The following RBMS3 variants were observed in gnomAD, a reference collection of about 807,000 sequenced individuals.
RBMS3 encodes the protein RNA-binding motif, single-stranded-interacting protein 3.
A neutral mutation model predicts 66.8 loss-of-function variants in RBMS3; 27 were observed. The observed-to-expected ratio is 0.40, with a 90% CI of 0.30 to 0.56. The LOEUF is 0.56. Among genes scored for constraint, RBMS3 ranks in the 20% least tolerant of loss-of-function variants. The pLI is 0.40. For missense variants in RBMS3, 513 were observed against 549.5 expected, an observed-to-expected ratio of 0.93 and a Z score of 0.66; for synonymous variants, 188 against 183.0, an observed-to-expected ratio of 1.03 and a Z score of -0.22.
intron 6 of RBMS3, among the ~76,000 whole-genome samples, chr3:29,846,228 A>T (rs1559732195): frequency 1.3e-5 from 2 of 152,184 alleles, no homozygotes; most frequent in Non-Finnish European, 1.5e-5. Context: ...CCATTGCAGA[A>T]TTCCAAAAAG....
chr3:29,567,086 T>A (rs551008721), intron 3 of RBMS3, among the ~76,000 whole-genome samples: 1 of 152,170 alleles, frequency 6.6e-6, no homozygotes, highest in Admixed American at 6.6e-5. Context: ...CCTCAGTGAA[T>A]GTCATGATGT....
chr3:29,714,329 A>G (rs959609516), intron 4 of RBMS3, among the ~76,000 whole-genome samples: 8 of 152,206 alleles, frequency 5.3e-5, no homozygotes, highest in African/African-American at 1.9e-4. Flanking sequence ...GGAGTCAAGG[A>G]TGACTTCAAG....
intron 1 of RBMS3, among the ~76,000 whole-genome samples, chr3:29,425,357 G>C (rs761188532): frequency 6.6e-6 from 1 of 151,968 alleles, no homozygotes; most frequent in African/African-American, 2.4e-5. Flanking sequence ...CTGGGCGACA[G>C]AGTGAGATTC....
intron 6 of RBMS3, among the ~76,000 whole-genome samples, chr3:29,823,916 A>C (rs1056421155): frequency 4.4e-4 from 67 of 152,272 alleles, no homozygotes; most frequent in African/African-American, 1.5e-3. Context: ...GGGTTTAGTC[A>C]TGCTTATCTT....
chr3:29,988,264 A>C, intron 13 of RBMS3, 41 bp downstream of exon 13: 1 of 1,520,296 alleles, frequency 6.6e-7, no homozygotes. Flanking sequence ...AGAAGAAATA[A>C]ATCTCAGTCA....
intron 1 of RBMS3, among the ~76,000 whole-genome samples, chr3:29,426,949 A>T (rs188586179): frequency 2.8e-4 from 42 of 152,368 alleles, no homozygotes; most frequent in Non-Finnish European, 5.1e-4. Flanking sequence ...TGAAATAATC[A>T]TAATTCCTCT....
At position 29,627,288 on chromosome 3, in the gene RBMS3, C is replaced by T. The variant is rs2049097287; in HGVS notation, c.399+40083C>T. Among the ~76,000 whole-genome samples the T allele has an allele frequency of 3.1e-5, 3 of 96,544 alleles. No individual in the cohort carries two copies. In the South Asian group the frequency reaches 9.1e-4, roughly 29 times the overall value. 63.3% of individuals were successfully genotyped at this position (96,544 alleles called of 152,430 possible). A position where few individuals can be genotyped will look rare whatever the true frequency, so the allele number is the denominator to read the frequency against. ...CTCTCTCTCTCTTTCTCTCTCTCTT[C>T]TCTCTCTCTCTGTCTCTCTCTCTCT... On this transcript the variant is annotated intron_variant, in intron 4 of 14. Transcript: ENST00000383767.
chr3:29,966,981 G>T (rs1376577397), intron 12 of RBMS3, among the ~76,000 whole-genome samples: 2 of 152,262 alleles, frequency 1.3e-5, no homozygotes, highest in South Asian at 4.1e-4. Context: ...TGTTTATGTG[G>T]TGTATCACAC....
chr3:29,703,545 C>A (rs80162361), intron 4 of RBMS3, among the ~76,000 whole-genome samples: 5 of 152,082 alleles, frequency 3.3e-5, no homozygotes, highest in African/African-American at 1.2e-4. Context: ...TCTGCAATGC[C>A]CAGAGTATTT....
chr3:29,622,390 G>A (rs1330069102), intron 4 of RBMS3, among the ~76,000 whole-genome samples: 1 of 152,230 alleles, frequency 6.6e-6, no homozygotes, highest in African/African-American at 2.4e-5. Context: ...GACAAGCTCT[G>A]TTCTGAGCTT....
At chr3:29,404,216 A>C (rs1009555560) in intron 1 of RBMS3, among the ~76,000 whole-genome samples, 1 of 152,136 alleles carries the variant, frequency 6.6e-6, no homozygotes, top group Non-Finnish European at 1.5e-5. Context: ...AATTGATCTT[A>C]CTGCAGACTG....
intron 4 of RBMS3, among the ~76,000 whole-genome samples, chr3:29,665,384 G>A (rs1378757866): frequency 6.6e-6 from 1 of 151,884 alleles, no homozygotes; most frequent in Non-Finnish European, 1.5e-5. Flanking sequence ...AAATAAAATA[G>A]TTTACATAAC....
At chr3:29,924,858 AAG>A (rs1553700890) in intron 10 of RBMS3, 13 of 152,276 alleles carry the variant, frequency 8.5e-5, no homozygotes, top group South Asian at 2.1e-4. Flanking sequence ...AAAAAAAAAA[AAG>A]AGAGAGAGAG....
chr3:29,288,350 C>T (rs1231615853), intron 1 of RBMS3, among the ~76,000 whole-genome samples: 5 of 151,982 alleles, frequency 3.3e-5, no homozygotes, highest in Non-Finnish European at 7.4e-5. Context: ...ATTTAACTGT[C>T]TTCATCCTTT....
At chr3:29,738,520 G>T (rs2054479070) in intron 4 of RBMS3, among the ~76,000 whole-genome samples, 1 of 152,128 alleles carries the variant, frequency 6.6e-6, no homozygotes, top group African/African-American at 2.4e-5. Context: ...TAGTAATTGT[G>T]GTTTGGTTTC....
At chr3:29,697,223 A>T (rs936417870) in intron 4 of RBMS3, 33 of 634,048 alleles carry the variant, frequency 5.2e-5, no homozygotes, top group South Asian at 7.0e-5. Flanking sequence ...GGTTTATATT[A>T]AAATTTGCTA....
chr3:29,647,301 T>C (rs2049959494), intron 4 of RBMS3, among the ~76,000 whole-genome samples: 1 of 152,186 alleles, frequency 6.6e-6, no homozygotes, highest in Non-Finnish European at 1.5e-5. Context: ...TATCAAATGC[T>C]GAAATCTGAA....
At chr3:29,898,926 AAAG>A (rs1429725974) in intron 9 of RBMS3, among the ~76,000 whole-genome samples, 1 of 151,594 alleles carries the variant, frequency 6.6e-6, no homozygotes, top group East Asian at 2.0e-4. Flanking sequence ...CCTTTTCTCA[AAAG>A]AAGAGATTAC....
At chr3:29,840,898 G>T (rs2058647013) in intron 6 of RBMS3, among the ~76,000 whole-genome samples, 1 of 151,892 alleles carries the variant, frequency 6.6e-6, no homozygotes, top group African/African-American at 2.4e-5. Context: ...AGGGTTAAAA[G>T]TTATGCATAT....
Sources: gnomAD v4.1 joint callset for allele counts (sites outside exome capture counted in the v4.1 genomes callset) on GRCh38, gnomAD v4.1.1 for gene constraint, MANE v1.5 for transcripts, NCBI Gene and HGNC (gene_info 2026-07-23, HGNC 2026-07-21) for gene names.